Variants in EGFR observed in about 807,000 individuals in gnomAD.
EGFR encodes epidermal growth factor receptor.
Under a neutral mutation model 143.0 loss-of-function variants are expected in EGFR, and 58 were observed. The ratio of observed to expected loss-of-function variants is 0.41; its 90% confidence interval spans 0.33 to 0.50. The LOEUF is 0.50. EGFR is among the 20% of genes least tolerant of loss of function. The probability of loss-of-function intolerance (pLI) is 0.39; values close to 1 mark genes in which losing one functional copy is unlikely to be tolerated. For synonymous variants in EGFR, 613 were observed against 594.4 expected, an observed-to-expected ratio of 1.03 and a Z score of -0.45; for missense variants, 1,307 against 1,579.0, an observed-to-expected ratio of 0.83 and a Z score of 2.92.
chr7:55,020,810 C>A (rs1261786917), intron 1 of EGFR, among the ~76,000 whole-genome samples: 1 of 151,602 alleles, frequency 6.6e-6, no homozygotes, highest in Non-Finnish European at 1.5e-5. Flanking sequence ...TGGTGCCCAG[C>A]GCGGTCGTTG....
intron 3 of EGFR, 123 bp from the exon 4 acceptor site, chr7:55,146,483 C>A (rs900359994): frequency 6.7e-7 from 1 of 1,491,312 alleles, no homozygotes; most frequent in Non-Finnish European, 9.1e-7. Flanking sequence ...GGGCTAATTG[C>A]GGGACTCTTG....
In EGFR at chr7:55,200,187, A is replaced by G. The variant is rs187074574; in HGVS notation, c.2849-129A>G. 1.5e-4 allele frequency: 136 copies of G among 929,774 alleles called. No individual in the cohort carries two copies. In the African/African-American group the frequency reaches 2.0e-3, roughly 14 times the overall value. The allele number at this position is 929,774 out of a possible 1,614,324, so 57.6% of individuals were successfully genotyped here. Reference sequence around the variant, plus strand: ...TGGCCAAGACAGAAAAGTCTACCACAAAGACTTGGTTCTTTCATCACTTAT... The same window carrying G: ...TGGCCAAGACAGAAAAGTCTACCACGAAGACTTGGTTCTTTCATCACTTAT... On this transcript the variant is annotated intron_variant, in intron 23 of 27. Transcript: ENST00000275493.
intron 1 of EGFR, among the ~76,000 whole-genome samples, chr7:55,106,302 C>T (rs17289385): frequency 0.043 from 6,497 of 152,320 alleles, 177 homozygotes; most frequent in Middle Eastern, 0.15. Flanking sequence ...GTCTGTAGGG[C>T]CCCTCGCCCT....
intron 1 of EGFR, among the ~76,000 whole-genome samples, chr7:55,027,975 TAAAAAA>T (rs5884397): frequency 4.9e-5 from 4 of 81,608 alleles, no homozygotes; most frequent in African/African-American, 1.4e-4. Flanking sequence ...TGCCTTTATG[TAAAAAA>T]AAAAAAAAAA....
chr7:55,200,512 C>A (rs1787800041), intron 24 of EGFR, 99 bp downstream of exon 24: 1 of 1,220,808 alleles, frequency 8.2e-7, no homozygotes, highest in Non-Finnish European at 1.2e-6. Flanking sequence ...TCCCTGTGTC[C>A]CAGATCGCAT....
chr7:55,157,065 G>A, intron 10 of EGFR: 2 of 1,083,764 alleles, frequency 1.8e-6, no homozygotes, highest in Non-Finnish European at 2.5e-6. Flanking sequence ...TCTCCCTCCC[G>A]CCCGGCCCCA....
chr7:55,196,178 A>G (rs201783873), intron 22 of EGFR, among the ~76,000 whole-genome samples: 7 of 88,128 alleles, frequency 7.9e-5, no homozygotes, highest in African/African-American at 3.4e-4. Flanking sequence ...ATGTGTTGGG[A>G]TTTTTTTTTT....
chr7:55,100,167 T>G (rs928408984), intron 1 of EGFR, among the ~76,000 whole-genome samples: 5 of 152,220 alleles, frequency 3.3e-5, no homozygotes, highest in African/African-American at 1.2e-4. Context: ...CTTTCTACGA[T>G]GCCTGACAGT....
chr7:55,071,567 G>A (rs1469490459), intron 1 of EGFR, among the ~76,000 whole-genome samples: 1 of 152,216 alleles, frequency 6.6e-6, no homozygotes, highest in African/African-American at 2.4e-5. Context: ...GATCCATCAT[G>A]TTCTCTGTTC....
At chr7:55,027,988 AAAAATATATATATATATATATATATAT>A (rs1173019056) in intron 1 of EGFR, among the ~76,000 whole-genome samples, 1 of 87,848 alleles carries the variant, frequency 1.1e-5, no homozygotes, top group Non-Finnish European at 2.1e-5. Flanking sequence ...AAAAAAAAAA[AAAAATATATATATATATATATATATAT>A]ATATATATAT....
At chr7:55,048,862 T>A (rs4947488) in intron 1 of EGFR, among the ~76,000 whole-genome samples, 39,368 of 152,118 alleles carry the variant, frequency 0.26, 6,865 homozygotes, top group East Asian at 0.84. Flanking sequence ...TTCTTTTGAA[T>A]GACTCTAAGA....
At chr7:55,060,318 A>G (rs1027702267) in intron 1 of EGFR, among the ~76,000 whole-genome samples, 5 of 152,210 alleles carry the variant, frequency 3.3e-5, no homozygotes, top group Non-Finnish European at 5.9e-5. Context: ...GTAGTGCCTC[A>G]GTAGTTTTAT....
intron 3 of EGFR, among the ~76,000 whole-genome samples, chr7:55,145,003 C>T (rs1794683275): frequency 6.6e-6 from 1 of 152,186 alleles, no homozygotes; most frequent in Non-Finnish European, 1.5e-5. Context: ...TTTTTTAAAC[C>T]AAGGCTGGGA....
At chr7:55,058,839 A>T (rs1216220681) in intron 1 of EGFR, among the ~76,000 whole-genome samples, 1 of 152,254 alleles carries the variant, frequency 6.6e-6, no homozygotes, top group Non-Finnish European at 1.5e-5. Flanking sequence ...ACTTAAAAAA[A>T]TTTTTAAAAA....
intron 12 of EGFR, among the ~76,000 whole-genome samples, chr7:55,160,788 C>T (rs1785657718): frequency 6.6e-6 from 1 of 152,246 alleles, no homozygotes; most frequent in South Asian, 2.1e-4. Context: ...TGGCCACGGG[C>T]AGCGTCAGCT....
chr7:55,032,433 T>G (rs1239420362), intron 1 of EGFR, among the ~76,000 whole-genome samples: 1 of 152,228 alleles, frequency 6.6e-6, no homozygotes, highest in Non-Finnish European at 1.5e-5. Context: ...CTCCCGTGAA[T>G]TTTCACTCTC....
intron 13 of EGFR, among the ~76,000 whole-genome samples, chr7:55,162,629 A>G (rs770262697): frequency 9.9e-5 from 15 of 152,184 alleles, no homozygotes; most frequent in Non-Finnish European, 2.1e-4. Context: ...ATGTCCTTCC[A>G]TTAGTGTAGA....
chr7:55,197,333 T>C (rs1787660742), intron 22 of EGFR, among the ~76,000 whole-genome samples: 1 of 152,240 alleles, frequency 6.6e-6, no homozygotes, highest in African/African-American at 2.4e-5. Context: ...CATATTGGAA[T>C]GCTAATTATT....
intron 19 of EGFR, chr7:55,180,640 T>C (rs1786817501): frequency 6.3e-6 from 1 of 157,530 alleles, no homozygotes; most frequent in African/African-American, 2.4e-5. Flanking sequence ...AACCTGGGAC[T>C]GGTCTATTGA....
Sources: gnomAD v4.1 joint callset for allele counts (sites outside exome capture counted in the v4.1 genomes callset) on GRCh38, gnomAD v4.1.1 for gene constraint, MANE v1.5 for transcripts, NCBI Gene and HGNC (gene_info 2026-07-23, HGNC 2026-07-21) for gene names.